Variants in NTNG2 observed in about 807,000 individuals in gnomAD.
NTNG2 encodes netrin-G2.
In NTNG2, 15 loss-of-function variants were observed where a neutral mutation model predicts 47.6. The observed-to-expected ratio is 0.32, with a 90% CI of 0.21 to 0.49. NTNG2 has a LOEUF of 0.49. NTNG2 is among the 20% of genes least tolerant of loss of function. The pLI is 0.99. For missense variants in NTNG2, 578 were observed against 764.6 expected (o/e 0.76, Z 2.88); for synonymous variants, 307 against 324.6 (o/e 0.95, Z 0.58).
chr9:132,189,072 T>C (rs1003448686), intron 2 of NTNG2, among the ~76,000 whole-genome samples: 2 of 117,230 alleles, frequency 1.7e-5, no homozygotes, highest in South Asian at 3.1e-4. Flanking sequence ...GCCTTTCTTT[T>C]TTTTTTTTTT....
chr9:132,203,082 C>G (rs1838906993), intron 3 of NTNG2, among the ~76,000 whole-genome samples: 1 of 152,072 alleles, frequency 6.6e-6, no homozygotes, highest in Non-Finnish European at 1.5e-5. Context: ...AGATATGAGG[C>G]CATTCCTGCA....
chr9:132,185,760 G>A (rs987944868), intron 2 of NTNG2, among the ~76,000 whole-genome samples: 12 of 151,954 alleles, frequency 7.9e-5, no homozygotes, highest in Non-Finnish European at 1.6e-4. Flanking sequence ...TGGGTGGCCA[G>A]TGAAGCCCTG....
At chr9:132,205,577 G>A (rs564043291) in intron 3 of NTNG2, among the ~76,000 whole-genome samples, 19 of 152,292 alleles carry the variant, frequency 1.2e-4, no homozygotes. Flanking sequence ...CCACCAGACT[G>A]TACACTTAAC....
chr9:132,188,076 C>A (rs1837541592), intron 2 of NTNG2, among the ~76,000 whole-genome samples: 1 of 152,230 alleles, frequency 6.6e-6, no homozygotes, highest in African/African-American at 2.4e-5. Context: ...TAGGGTTTCC[C>A]CCGAAATGGC....
At chr9:132,184,695 G>C (rs550359610) in intron 2 of NTNG2, among the ~76,000 whole-genome samples, 2 of 152,238 alleles carry the variant, frequency 1.3e-5, no homozygotes, top group Non-Finnish European at 2.9e-5. Flanking sequence ...AGGCCGAGGC[G>C]GGTGGATCAC....
intron 2 of NTNG2, among the ~76,000 whole-genome samples, chr9:132,184,929 A>T (rs1305552894): frequency 6.6e-6 from 1 of 152,214 alleles, no homozygotes; most frequent in African/African-American, 2.4e-5. Context: ...TCTCAAAGAA[A>T]ACAAGGCTGG....
At chr9:132,167,825 G>A (rs1347447119) in intron 2 of NTNG2, among the ~76,000 whole-genome samples, 1 of 152,180 alleles carries the variant, frequency 6.6e-6, no homozygotes, top group South Asian at 2.1e-4. Context: ...TGTGTGGGCC[G>A]AGCCTGATGC....
chr9:132,212,935 C>T (rs574860339), intron 3 of NTNG2, among the ~76,000 whole-genome samples: 23 of 152,230 alleles, frequency 1.5e-4, no homozygotes, highest in South Asian at 8.3e-4. Flanking sequence ...CTCCCAACCC[C>T]CCAAAGAAGA....
In NTNG2 at chr9:132,226,789, A is replaced by G. The variant is rs1054484937; in HGVS notation, c.858-60A>G. The G allele has an allele frequency of 7.0e-7, 1 of 1,436,552 alleles. No individual in the cohort carries two copies. The highest frequency in any genetic ancestry group is 9.3e-7 in the Non-Finnish European group (1 of 1,078,122). 89.0% of individuals were successfully genotyped at this position (1,436,552 alleles called of 1,614,324 possible). ...TCCTGGGAGGCGCTCCTTTCCCCAGAGGCCAGGCCAGGCTGCCCACAAGCT... is the reference window on the plus strand; with the variant it reads ...TCCTGGGAGGCGCTCCTTTCCCCAGGGGCCAGGCCAGGCTGCCCACAAGCT... On this transcript the variant is annotated intron_variant, in intron 3 of 7. Coordinates refer to ENST00000393229, the MANE Select transcript of NTNG2 (RefSeq NM_032536.4). The surrounding 1 kb of genome is among the most constrained non-coding windows in gnomAD (Gnocchi z 4.8).
chr9:132,209,684 G>T (rs1178561761), intron 3 of NTNG2, among the ~76,000 whole-genome samples: 1 of 152,202 alleles, frequency 6.6e-6, no homozygotes, highest in African/African-American at 2.4e-5. Flanking sequence ...AGGCCGTCGT[G>T]GGGTGGTTTC....
Position 132,226,486 on chromosome 9 carries a change from C to T in NTNG2, c.858-363C>T, listed in dbSNP as rs1218783832. Among the ~76,000 whole-genome samples, 1 of 152,172 alleles carries T rather than the reference C, an allele frequency of 6.6e-6. No individual in the cohort carries two copies. Among genetic ancestry groups the T allele is most frequent in the East Asian group, 1.9e-4 (1 of 5,182 alleles). On this transcript the variant is annotated intron_variant, in intron 3 of 7. Coordinates refer to ENST00000393229, the MANE Select transcript of NTNG2 (RefSeq NM_032536.4). This position sits in a 1 kb window ranked among gnomAD's most constrained non-coding sequence, Gnocchi z 4.8. ...GCAGCAGCCTCTGTCACCCATCAACCCACATCAGTCAAAGGCTAGGGTGAT... is the reference window on the plus strand; with the variant it reads ...GCAGCAGCCTCTGTCACCCATCAACTCACATCAGTCAAAGGCTAGGGTGAT...
rs369327951 is a variant in NTNG2 at position 132,197,066 on chromosome 9, A to G, written c.214-900A>G. Among the ~76,000 whole-genome samples the G allele has an allele frequency of 1.3e-4, 20 of 152,274 alleles. No homozygotes were observed. Among genetic ancestry groups the G allele is most frequent in the African/African-American group, 4.3e-4 (18 of 41,558 alleles). ...TTCCAGGCCCTCTTTGAGCACCTCA[A>G]TGTGTTCACCAATCCTAAGGGTACA... On this transcript the variant is annotated intron_variant, in intron 2 of 7. Transcript: ENST00000393229. This position sits in a 1 kb window ranked among gnomAD's most constrained non-coding sequence, Gnocchi z 4.3.
intron 3 of NTNG2, among the ~76,000 whole-genome samples, chr9:132,201,835 A>T (rs1047410132): frequency 6.6e-6 from 1 of 152,196 alleles, no homozygotes; most frequent in Non-Finnish European, 1.5e-5. Context: ...AGCCAAAGAC[A>T]CGGCACTGAG....
intron 1 of NTNG2, among the ~76,000 whole-genome samples, chr9:132,164,485 T>C (rs1835354121): frequency 6.6e-6 from 1 of 152,220 alleles, no homozygotes; most frequent in South Asian, 2.1e-4. Flanking sequence ...GATCCCTACC[T>C]GTTAGTGAAC....
chr9:132,233,510 G>T (rs1841398485), intron 5 of NTNG2: 1 of 152,174 alleles, frequency 6.6e-6, no homozygotes. Flanking sequence ...TGAGCAGAAG[G>T]CACACCCTCC....
Position 132,195,453 on chromosome 9 carries a change from C to T in NTNG2, c.214-2513C>T, listed in dbSNP as rs919613140. Among the ~76,000 whole-genome samples, 201 of 149,036 alleles carry T rather than the reference C, an allele frequency of 1.3e-3. 3 individuals are homozygous for T. Among genetic ancestry groups the T allele is most frequent in the African/African-American group, 4.5e-3 (183 of 40,278 alleles). ...CCTCCCGAGTAGCTGGGACTACAGG[C>T]GCCCACCACCACGCCTGGCTATTTT... is the stretch of plus-strand genomic sequence containing the variant. On this transcript the variant is annotated intron_variant, in intron 2 of 7. Transcript: ENST00000393229.
rs1428446208 is a variant in NTNG2 at position 132,236,940 on chromosome 9, CA to C, written c.1055-2161del. ...GTGTTTCAGAAAGGAAGGGAGATGC[CA>C]AAGTCCTTAAATGCCAAGTTTAGTC... On this transcript the variant is annotated intron_variant, in intron 5 of 7. Coordinates refer to ENST00000393229, the MANE Select transcript of NTNG2 (RefSeq NM_032536.4). The surrounding 1 kb of genome is among the most constrained non-coding windows in gnomAD (Gnocchi z 4.3). Among the ~76,000 whole-genome samples, 6 of 152,164 alleles carry C rather than the reference CA, an allele frequency of 3.9e-5. No individual in the cohort carries two copies. The highest frequency in any genetic ancestry group is 1.4e-4 in the African/African-American group (6 of 41,430).
intron 3 of NTNG2, among the ~76,000 whole-genome samples, chr9:132,211,565 GTC>G (rs775083330): frequency 6.6e-6 from 1 of 152,088 alleles, no homozygotes; most frequent in African/African-American, 2.4e-5. Flanking sequence ...CAAAGGCTGG[GTC>G]TCTCGGGCTG....
At chr9:132,192,644 C>G (rs952402880) in intron 2 of NTNG2, among the ~76,000 whole-genome samples, 4 of 152,072 alleles carry the variant, frequency 2.6e-5, no homozygotes, top group African/African-American at 9.7e-5. Flanking sequence ...GGAAGCAATA[C>G]TGTGTTTGTA....
Sources: gnomAD v4.1 joint callset for allele counts (sites outside exome capture counted in the v4.1 genomes callset) on GRCh38, gnomAD v4.1.1 for gene constraint, Gnocchi (gnomAD v3.1) non-coding constraint, MANE v1.5 for transcripts, NCBI Gene and HGNC (gene_info 2026-07-23, HGNC 2026-07-21) for gene names.